DYNC2H1: variants seen among roughly 807,000 people sequenced by gnomAD.
The protein encoded by DYNC2H1 is cytoplasmic dynein 2 heavy chain 1.
Under a neutral mutation model 570.0 loss-of-function variants are expected in DYNC2H1, and 410 were observed. The ratio of observed to expected loss-of-function variants is 0.72; its 90% CI spans 0.66 to 0.78. The LOEUF is 0.78. Among genes scored for constraint, DYNC2H1 ranks in the 30% least tolerant of loss-of-function variants. The pLI is 0.00. For synonymous variants in DYNC2H1, 1,688 were observed against 1,677.6 expected, an observed-to-expected ratio of 1.01 and a Z score of -0.15; for missense variants, 4,865 against 5,046.4, an observed-to-expected ratio of 0.96 and a Z score of 1.09.
chr11:103,263,492 G>C (rs528671299), intron 70 of DYNC2H1, among the ~76,000 whole-genome samples: 3 of 151,946 alleles, frequency 2.0e-5, no homozygotes, highest in African/African-American at 7.3e-5. Context: ...GGAAAAGAAC[G>C]GAAATCATAA....
In DYNC2H1 at chr11:103,455,203, T is replaced by C; in HGVS notation, c.12474T>C (p.Ala4158=). ...ALAIQNWVDK[A]EKQALLSETL... ...CCCTCTAGAACTGGGTAGATAAAGC[T>C]GAAAAACAGGCTCTTCTCTCTGAAA... Residue 4158 remains alanine (A), a synonymous_variant, in exon 86 of 89, where the codon GCT becomes GCC. Coordinates refer to ENST00000375735, the MANE Select transcript of DYNC2H1 (RefSeq NM_001377.3). 1.9e-6 allele frequency: 3 copies of C among 1,613,330 alleles called. No individual in the cohort carries two copies. The highest frequency in any genetic ancestry group is 2.5e-6 in the Non-Finnish European group (3 of 1,179,464).
intron 10 of DYNC2H1, among the ~76,000 whole-genome samples, 162 bp from the exon 11 acceptor site, chr11:103,122,663 G>A (rs999743976): frequency 1.3e-5 from 2 of 152,144 alleles, no homozygotes; most frequent in African/African-American, 4.8e-5. Context: ...AGCAAAGTAG[G>A]GGTTGATATT....
Position 103,395,883 on chromosome 11 carries a change from C to T in DYNC2H1, c.12157-3780C>T, listed in dbSNP as rs1195947655. On this transcript the variant is annotated intron_variant, in intron 83 of 88. Coordinates refer to ENST00000375735, the MANE Select transcript of DYNC2H1 (RefSeq NM_001377.3). This position sits in a 1 kb window ranked among gnomAD's most constrained non-coding sequence, Gnocchi z 4.3. ...TTATCTAAAGAGGAATGAAGGGTTA[C>T]TTGAGGGCAAAGGTAGAATTTCCAT... Among the ~76,000 whole-genome samples the T allele has an allele frequency of 6.6e-6, 1 of 152,160 alleles. No homozygotes were observed. The highest frequency in any genetic ancestry group is 1.5e-5 in the Non-Finnish European group (1 of 68,026).
intron 18 of DYNC2H1, among the ~76,000 whole-genome samples, chr11:103,146,013 A>G (rs1342974802): frequency 6.6e-6 from 1 of 152,238 alleles, no homozygotes; most frequent in Non-Finnish European, 1.5e-5. Flanking sequence ...ATCTTCATGT[A>G]TCAAGTATCA....
rs1256535346 is a variant in DYNC2H1, at chr11:103,151,577, C to T, written c.2947-559C>T. Among the ~76,000 whole-genome samples, 1 of 152,182 alleles carries T rather than the reference C, an allele frequency of 6.6e-6. No individual in the cohort carries two copies. The highest frequency in any genetic ancestry group is 1.5e-5 in the Non-Finnish European group (1 of 68,024). On this transcript the variant is annotated intron_variant, in intron 20 of 88. Transcript: ENST00000375735. The surrounding 1 kb of genome is among the most constrained non-coding windows in gnomAD (Gnocchi z 4.6). ...CAGCAGTTTAGCACCCATTGACCTA[C>T]ACCCAAACTGTTTAACAAACTGTTA...
chr11:103,399,145 T>C (rs112385805), intron 83 of DYNC2H1, among the ~76,000 whole-genome samples: 1 of 141,498 alleles, frequency 7.1e-6, no homozygotes, highest in Non-Finnish European at 1.5e-5. Flanking sequence ...ACCGTTTTTT[T>C]TTTGTTTTTT....
intron 83 of DYNC2H1, among the ~76,000 whole-genome samples, chr11:103,390,019 G>T (rs2135602725): frequency 6.6e-6 from 1 of 152,286 alleles, no homozygotes; most frequent in African/African-American, 2.4e-5. Context: ...AGGTCCACTT[G>T]GTGCAGAGCT....
intron 75 of DYNC2H1, among the ~76,000 whole-genome samples, chr11:103,294,265 T>G (rs1327317877): frequency 6.6e-6 from 1 of 152,178 alleles, no homozygotes; most frequent in Non-Finnish European, 1.5e-5. Flanking sequence ...TTCTGATGCT[T>G]GTGGACCTTC....
At chr11:103,328,917 G>T (rs1938630785) in intron 82 of DYNC2H1, among the ~76,000 whole-genome samples, 1 of 152,162 alleles carries the variant, frequency 6.6e-6, no homozygotes, top group Admixed American at 6.5e-5. Flanking sequence ...TTGATGGTGA[G>T]GAGGGGGAGA....
At chr11:103,295,840 T>C (rs573340131) in intron 75 of DYNC2H1, among the ~76,000 whole-genome samples, 4 of 152,310 alleles carry the variant, frequency 2.6e-5, no homozygotes, top group Non-Finnish European at 4.4e-5. Flanking sequence ...TTGAAGGGTG[T>C]ATAAAGGTCA....
chr11:103,131,899 A>G (rs1274099696), intron 13 of DYNC2H1, among the ~76,000 whole-genome samples: 1 of 152,180 alleles, frequency 6.6e-6, no homozygotes, highest in African/African-American at 2.4e-5. Context: ...ATTATTGTCT[A>G]GGAAAGCATA....
Position 103,246,753 on chromosome 11 carries a change from CTG to C in DYNC2H1, c.10042+1380_10042+1381del, listed in dbSNP as rs1864633913. Among the ~76,000 whole-genome samples, 3 of 152,062 alleles carry C rather than the reference CTG, an allele frequency of 2.0e-5. 1 individual carries two copies. The South Asian group carries it at 6.2e-4, about 32-fold the overall frequency. On this transcript the variant is annotated intron_variant, in intron 65 of 88. Coordinates refer to ENST00000375735, the MANE Select transcript of DYNC2H1 (RefSeq NM_001377.3). ...GCCATTTTTTCATCATACATTAACT[CTG>C]GGGACAGAGGATGGTAGTCCTAGAA...
chr11:103,398,788 A>C (rs1942499567), intron 83 of DYNC2H1, among the ~76,000 whole-genome samples: 1 of 151,934 alleles, frequency 6.6e-6, no homozygotes, highest in East Asian at 1.9e-4. Context: ...GGATTCCTTC[A>C]GTTTTTCTTA....
At chr11:103,259,344 A>G (rs1219745524) in intron 69 of DYNC2H1, among the ~76,000 whole-genome samples, 2 of 152,160 alleles carry the variant, frequency 1.3e-5, no homozygotes, top group East Asian at 3.9e-4. Flanking sequence ...ATGTTTTTCA[A>G]TTATTACAAT....
In DYNC2H1 at chr11:103,134,308, TA is replaced by T. The variant is rs760754900; in HGVS notation, c.2107-11del. On this transcript the variant is annotated splice_polypyrimidine_tract_variant and intron_variant, in intron 14 of 88. Transcript: ENST00000375735. ...GCAATACTTTGAGACTAGCATGCTC[TA>T]ATTTTTCATAGGTGGTTGTTCTTAT... 1 of 1,611,854 alleles carries T rather than the reference TA, an allele frequency of 6.2e-7. No homozygotes were observed. The highest frequency in any genetic ancestry group is 1.1e-5 in the South Asian group (1 of 90,870).
At chr11:103,343,718 C>CAATAAAGTAA (rs1939597695) in intron 82 of DYNC2H1, among the ~76,000 whole-genome samples, 1 of 151,496 alleles carries the variant, frequency 6.6e-6, no homozygotes, top group Non-Finnish European at 1.5e-5. Flanking sequence ...CCTTGTCAAT[C>CAATAAAGTAA]AATAAAATAA....
intron 77 of DYNC2H1, among the ~76,000 whole-genome samples, chr11:103,304,975 A>G (rs889698134): frequency 2.0e-5 from 3 of 152,200 alleles, no homozygotes; most frequent in African/African-American, 7.2e-5. Flanking sequence ...AGGGAAGCTT[A>G]GAAGACATAT....
At chr11:103,136,481 T>A (rs1859560851) in intron 17 of DYNC2H1, among the ~76,000 whole-genome samples, 1 of 151,822 alleles carries the variant, frequency 6.6e-6, no homozygotes, top group South Asian at 2.1e-4. Context: ...CGGTGTTTGG[T>A]TTTTTGTTCT....
rs1359763407 is a variant in DYNC2H1, at chr11:103,243,067, C to A, written c.9820-626C>A. 6.6e-6 allele frequency among the ~76,000 whole-genome samples: 1 copy of A among 152,024 alleles called. No homozygotes were observed. The highest frequency in any genetic ancestry group is 1.5e-5 in the Non-Finnish European group (1 of 68,010). On this transcript the variant is annotated intron_variant, in intron 63 of 88. Transcript: ENST00000375735. This position sits in a 1 kb window ranked among gnomAD's most constrained non-coding sequence, Gnocchi z 4.8. ...AATGAATTTAGTTTTTAGTTCATTT[C>A]ATTAGATCTTAACCTACAGCCCATG...
Sources: allele counts gnomAD v4.1 joint callset (sites outside exome capture counted in the v4.1 genomes callset), GRCh38; gene constraint gnomAD v4.1.1; non-coding constraint Gnocchi (gnomAD v3.1); transcripts MANE v1.5; gene names NCBI Gene and HGNC (gene_info 2026-07-23, HGNC 2026-07-21).